Variants in FILIP1L observed in about 807,000 individuals in gnomAD.
FILIP1L encodes the protein filamin A-interacting protein 1-like.
In FILIP1L, 55 loss-of-function variants were observed where a neutral mutation model predicts 96.6. The ratio of observed to expected loss-of-function variants is 0.57; its 90% CI spans 0.46 to 0.71. The LOEUF (loss-of-function observed/expected upper bound fraction) is 0.71. Among genes scored for constraint, FILIP1L ranks in the 30% least tolerant of loss-of-function variants. The pLI is 0.00. For missense variants in FILIP1L, 1,304 were observed against 1,321.2 expected (o/e 0.99, Z 0.20); for synonymous variants, 467 against 473.9 (o/e 0.99, Z 0.19).
At chr3:100,027,659 A>C (rs1183004470) in intron 1 of FILIP1L, among the ~76,000 whole-genome samples, 6 of 152,156 alleles carry the variant, frequency 3.9e-5, no homozygotes, top group Non-Finnish European at 4.4e-5. Context: ...TGCTGTTTAG[A>C]ATATGGAAAA....
rs1444845887 is a variant in FILIP1L, at chr3:100,066,617, C to T, written c.-11+47436G>A. The stretch of plus-strand genomic sequence containing the variant: ...CGGGATCTCGGCTCACTGCAAGCTC[C>T]GCCTCCCGGGTTCACGCCATTCTCC... On this transcript the variant is annotated intron_variant, in intron 1 of 5. Transcript: ENST00000477258. 1.5e-4 allele frequency among the ~76,000 whole-genome samples: 14 copies of T among 95,072 alleles called. 1 individual carries two copies. The highest frequency in any genetic ancestry group is 4.5e-4 in the Admixed American group (4 of 8,968). 62.4% of individuals were successfully genotyped at this position (95,072 alleles called of 152,430 possible). A position where few individuals can be genotyped will look rare whatever the true frequency, so the allele number is the denominator to read the frequency against.
chr3:99,842,367 A>G lies in FILIP1L; in HGVS notation c.3381+5928T>C, dbSNP rs565301901. ...GGAGGGGTGTAAGGGATAAAAGACT[A>G]CACATTGGGTACAGTGTACACTGCT... On this transcript the variant is annotated intron_variant, in intron 5 of 5. Coordinates refer to ENST00000477258, the MANE Select transcript of FILIP1L (RefSeq NM_001387850.1). Among the ~76,000 whole-genome samples the G allele has an allele frequency of 2.6e-5, 4 of 152,188 alleles. No individual in the cohort carries two copies. The South Asian group carries it at 6.2e-4, about 24-fold the overall frequency.
chr3:100,090,274 A>G (rs1411337886), intron 1 of FILIP1L, among the ~76,000 whole-genome samples: 1 of 152,180 alleles, frequency 6.6e-6, no homozygotes, highest in Admixed American at 6.5e-5. Context: ...AACTGTCCCG[A>G]TCTTCTGAGT....
chr3:99,901,742 TG>T (rs1706444747), intron 4 of FILIP1L, among the ~76,000 whole-genome samples: 1 of 152,166 alleles, frequency 6.6e-6, no homozygotes, highest in African/African-American at 2.4e-5. Flanking sequence ...ATGTAAGTAA[TG>T]GGTAAGGTAT....
At chr3:99,932,700 G>A (rs1707523563) in intron 1 of FILIP1L, among the ~76,000 whole-genome samples, 1 of 152,104 alleles carries the variant, frequency 6.6e-6, no homozygotes. Flanking sequence ...GACCAGCCTG[G>A]CCAACATGGC....
At chr3:100,056,555 A>G (rs1002401496) in intron 1 of FILIP1L, among the ~76,000 whole-genome samples, 1 of 152,186 alleles carries the variant, frequency 6.6e-6, no homozygotes, top group Non-Finnish European at 1.5e-5. Flanking sequence ...AAATGCTGCT[A>G]GCCCTTACTG....
intron 1 of FILIP1L, among the ~76,000 whole-genome samples, chr3:100,034,960 A>G (rs908034539): frequency 6.6e-6 from 1 of 152,190 alleles, no homozygotes; most frequent in Non-Finnish European, 1.5e-5. Context: ...GTATCAAAAA[A>G]CAACTTGGGA....
chr3:100,020,220 T>C (rs2064782782), intron 1 of FILIP1L, among the ~76,000 whole-genome samples: 2 of 152,228 alleles, frequency 1.3e-5, no homozygotes, highest in Non-Finnish European at 2.9e-5. Context: ...ACCCTCTTTC[T>C]GTTTCACATA....
intron 1 of FILIP1L, among the ~76,000 whole-genome samples, chr3:100,047,648 T>C (rs1172342720): frequency 1.3e-5 from 2 of 152,188 alleles, no homozygotes; most frequent in Non-Finnish European, 2.9e-5. Context: ...CAAGAGACAG[T>C]AGAGTTTTGT....
chr3:100,055,328 AT>A (rs1432478941), intron 1 of FILIP1L, among the ~76,000 whole-genome samples: 3 of 152,182 alleles, frequency 2.0e-5, no homozygotes, highest in Admixed American at 6.5e-5. Context: ...TATCCCCAAC[AT>A]CACTGGCACA....
chr3:99,898,009 C>A (rs543531580), intron 4 of FILIP1L: 66 of 152,238 alleles, frequency 4.3e-4, no homozygotes, highest in African/African-American at 1.5e-3. Flanking sequence ...ACCAATGTTA[C>A]ATTTAATTTT....
At chr3:99,911,942 T>G (rs192995189) in intron 4 of FILIP1L, among the ~76,000 whole-genome samples, 21 of 152,338 alleles carry the variant, frequency 1.4e-4, no homozygotes, top group Admixed American at 1.1e-3. Context: ...GTTCTCTCTT[T>G]TTTTTTCCAG....
intron 4 of FILIP1L, among the ~76,000 whole-genome samples, chr3:99,917,439 A>G (rs1706988415): frequency 1.3e-5 from 2 of 152,142 alleles, no homozygotes; most frequent in Admixed American, 6.6e-5. Context: ...AATATCATCA[A>G]ATATATTGTC....
intron 5 of FILIP1L, among the ~76,000 whole-genome samples, chr3:99,832,254 G>GGAGTCTC (rs1942695785): frequency 7.0e-6 from 1 of 142,480 alleles, no homozygotes; most frequent in Non-Finnish European, 1.5e-5. Context: ...TTTTTGAGAC[G>GGAGTCTC]GAGTCTCGCT....
At chr3:99,938,463 G>T (rs1247452620) in intron 1 of FILIP1L, among the ~76,000 whole-genome samples, 1 of 152,150 alleles carries the variant, frequency 6.6e-6, no homozygotes, top group Non-Finnish European at 1.5e-5. Context: ...CATGGCCAAG[G>T]AACAAAGCTG....
intron 4 of FILIP1L, among the ~76,000 whole-genome samples, chr3:99,872,269 C>CTGTGTG (rs55727823): frequency 0.081 from 8,994 of 110,642 alleles, 468 homozygotes; most frequent in East Asian, 0.13. Context: ...TGTGCCAGGA[C>CTGTGTG]TGTGTGTGTG....
intron 1 of FILIP1L, among the ~76,000 whole-genome samples, chr3:99,972,267 A>G (rs1045032028): frequency 6.6e-6 from 1 of 152,204 alleles, no homozygotes; most frequent in African/African-American, 2.4e-5. Context: ...AACTTGACCC[A>G]ATAGAGTACC....
chr3:100,048,086 G>A (rs1175696005), intron 1 of FILIP1L, among the ~76,000 whole-genome samples: 6 of 152,162 alleles, frequency 3.9e-5, no homozygotes, highest in African/African-American at 1.4e-4. Flanking sequence ...GGGCCAAACA[G>A]CCACAATCCA....
chr3:99,861,355 C>CA (rs1366775462), intron 4 of FILIP1L, among the ~76,000 whole-genome samples: 2 of 152,108 alleles, frequency 1.3e-5, no homozygotes, highest in Admixed American at 6.6e-5. Flanking sequence ...GAGAAGTATC[C>CA]AAAAAGCCAC....
Sources: gnomAD v4.1 joint callset for allele counts (sites outside exome capture counted in the v4.1 genomes callset) on GRCh38, gnomAD v4.1.1 for gene constraint, MANE v1.5 for transcripts, NCBI Gene and HGNC (gene_info 2026-07-23, HGNC 2026-07-21) for gene names.